KLHL28: variants seen among roughly 807,000 people sequenced by gnomAD.
KLHL28 encodes the protein kelch like family member 28, also known as kelch-like protein 28.
Under a neutral mutation model 48.3 loss-of-function variants are expected in KLHL28, and 22 were observed. That is an observed-to-expected ratio of 0.46 (90% CI 0.33 to 0.65). KLHL28 has a LOEUF of 0.65. Ranked by LOEUF, KLHL28 falls within the 30% of genes least tolerant of loss-of-function variation. The probability of loss-of-function intolerance (pLI) is 0.03; values close to 1 mark genes in which losing one functional copy is unlikely to be tolerated. For synonymous variants in KLHL28, 243 were observed against 242.4 expected (o/e 1.00, Z -0.02); for missense variants, 527 against 704.3 (o/e 0.75, Z 2.85).
intron 1 of KLHL28, among the ~76,000 whole-genome samples, chr14:44,957,873 T>C (rs1241060371): frequency 6.6e-6 from 1 of 151,994 alleles, no homozygotes; most frequent in East Asian, 1.9e-4. Context: ...AACAAGAAAT[T>C]AAAAATGTGC....
chr14:44,944,936 G>A, intron 2 of KLHL28, 94 bp downstream of exon 2: 4 of 956,428 alleles, frequency 4.2e-6, no homozygotes, highest in South Asian at 2.2e-5. Flanking sequence ...AAGTAAAAAG[G>A]AAAATCAAAC....
At chr14:44,929,626 T>C (rs555786046) in intron 4 of KLHL28, among the ~76,000 whole-genome samples, 1 of 152,296 alleles carries the variant, frequency 6.6e-6, no homozygotes, top group East Asian at 1.9e-4. Flanking sequence ...GGTCTTGGAA[T>C]ATATATCTCC....
intron 1 of KLHL28, among the ~76,000 whole-genome samples, chr14:44,960,286 T>A (rs1884979697): frequency 6.6e-6 from 1 of 152,198 alleles, no homozygotes; most frequent in South Asian, 2.1e-4. Flanking sequence ...CCACACAACC[T>A]CTAGTTATTA....
chr14:44,936,369 A>G (rs1353493580), intron 2 of KLHL28, among the ~76,000 whole-genome samples: 2 of 152,182 alleles, frequency 1.3e-5, no homozygotes, highest in Non-Finnish European at 2.9e-5. Flanking sequence ...GGATAAATGG[A>G]AAAGCAAAGT....
chr14:44,936,062 C>T (rs1472265818), intron 2 of KLHL28, among the ~76,000 whole-genome samples: 1 of 151,048 alleles, frequency 6.6e-6, no homozygotes, highest in Non-Finnish European at 1.5e-5. Context: ...TATTATAATA[C>T]TTGTTTTAAA....
rs1883408962 is a variant in KLHL28, at chr14:44,927,391, A to G, written c.*1637T>C. On this transcript the variant is annotated 3_prime_UTR_variant, in exon 5 of 5. Coordinates refer to ENST00000396128, the MANE Select transcript of KLHL28 (RefSeq NM_017658.5). ...TGGCTTCTTAACAATAGTCTAGAACATTATGGCACTTAAGAATATAATATG... is the reference window on the plus strand; with the variant it reads ...TGGCTTCTTAACAATAGTCTAGAACGTTATGGCACTTAAGAATATAATATG... 1 of 152,610 alleles carries G rather than the reference A, an allele frequency of 6.6e-6. No individual in the cohort carries two copies. The highest frequency in any genetic ancestry group is 1.5e-5 in the Non-Finnish European group (1 of 67,994). 9.5% of individuals were successfully genotyped at this position (152,610 alleles called of 1,614,324 possible).
chr14:44,961,018 T>TCG, intron 1 of KLHL28: 1 of 729,364 alleles, frequency 1.4e-6, no homozygotes, highest in Non-Finnish European at 2.3e-6. Context: ...AAAATATCTC[T>TCG]TCCACACTCC....
chr14:44,940,497 T>G (rs1231751945), intron 2 of KLHL28, among the ~76,000 whole-genome samples: 1 of 152,204 alleles, frequency 6.6e-6, no homozygotes, highest in Non-Finnish European at 1.5e-5. Context: ...TTATGACTCC[T>G]TATGTATAAG....
At chr14:44,935,973 A>G (rs1883810898) in intron 2 of KLHL28, among the ~76,000 whole-genome samples, 3 of 147,194 alleles carry the variant, frequency 2.0e-5, no homozygotes, top group Non-Finnish European at 3.0e-5. Flanking sequence ...TAACAGCATA[A>G]AAAAAGTCCT....
intron 4 of KLHL28, among the ~76,000 whole-genome samples, chr14:44,930,282 C>T (rs550185979): frequency 6.6e-6 from 1 of 152,176 alleles, no homozygotes; most frequent in African/African-American, 2.4e-5. Flanking sequence ...ATCCAAAGTG[C>T]TCCAACATTT....
At chr14:44,935,562 T>A (rs1382139635) in intron 2 of KLHL28, among the ~76,000 whole-genome samples, 2 of 152,154 alleles carry the variant, frequency 1.3e-5, no homozygotes, top group African/African-American at 2.4e-5. Flanking sequence ...TCACAAACAT[T>A]GTTCAGTGAA....
intron 1 of KLHL28, among the ~76,000 whole-genome samples, chr14:44,949,848 G>T (rs982604979): frequency 6.6e-6 from 1 of 152,094 alleles, no homozygotes; most frequent in Admixed American, 6.5e-5. Flanking sequence ...ACTTATGTGG[G>T]TTTAAGCTGC....
intron 1 of KLHL28, among the ~76,000 whole-genome samples, chr14:44,954,937 C>T (rs781764331): frequency 1.1e-4 from 17 of 152,206 alleles, no homozygotes; most frequent in Non-Finnish European, 2.2e-4. Flanking sequence ...GTCTCTATTG[C>T]GACATGCCCT....
chr14:44,946,758 G>T (rs1884354356), intron 1 of KLHL28, among the ~76,000 whole-genome samples: 2 of 151,988 alleles, frequency 1.3e-5, no homozygotes, highest in African/African-American at 4.8e-5. Flanking sequence ...GTTTCACCAT[G>T]TTGGCCAGGC....
At chr14:44,939,639 A>G (rs1441448439) in intron 2 of KLHL28, among the ~76,000 whole-genome samples, 1 of 152,196 alleles carries the variant, frequency 6.6e-6, no homozygotes, top group South Asian at 2.1e-4. Flanking sequence ...ATATATAGCA[A>G]GGATGGCCTT....
chr14:44,957,698 T>C (rs1884852055), intron 1 of KLHL28, among the ~76,000 whole-genome samples: 1 of 152,168 alleles, frequency 6.6e-6, no homozygotes, highest in South Asian at 2.1e-4. Flanking sequence ...ACTGTTATTA[T>C]TACCACCATT....
rs567417418 is a variant in KLHL28 at position 44,927,395 on chromosome 14, T to C, written c.*1633A>G. The C allele has an allele frequency of 1.3e-5, 2 of 152,678 alleles. No individual in the cohort carries two copies. Among genetic ancestry groups the C allele is most frequent in the South Asian group, 2.1e-4 (1 of 4,828 alleles). 9.5% of individuals were successfully genotyped at this position (152,678 alleles called of 1,614,324 possible). A position where few individuals can be genotyped will look rare whatever the true frequency, so the allele number is the denominator to read the frequency against. ...TTCTTAACAATAGTCTAGAACATTA[T>C]GGCACTTAAGAATATAATATGAATT... On this transcript the variant is annotated 3_prime_UTR_variant, in exon 5 of 5. Transcript: ENST00000396128.
intron 1 of KLHL28, among the ~76,000 whole-genome samples, chr14:44,953,464 T>G (rs1019421262): frequency 2.6e-5 from 4 of 152,226 alleles, no homozygotes; most frequent in Admixed American, 2.6e-4. Context: ...TTGATCCACT[T>G]ATGGATTAAT....
At chr14:44,960,109 T>C (rs1436472257) in intron 1 of KLHL28, among the ~76,000 whole-genome samples, 1 of 152,016 alleles carries the variant, frequency 6.6e-6, no homozygotes, top group Non-Finnish European at 1.5e-5. Context: ...AGATAAAAAA[T>C]AAATTGCAAT....
Sources: gnomAD v4.1 joint callset for allele counts (sites outside exome capture counted in the v4.1 genomes callset) on GRCh38, gnomAD v4.1.1 for gene constraint, MANE v1.5 for transcripts, NCBI Gene and HGNC (gene_info 2026-07-23, HGNC 2026-07-21) for gene names.